SNX6: variants seen among roughly 807,000 people sequenced by gnomAD.
SNX6 encodes sorting nexin-6.
In SNX6, 34 loss-of-function variants were observed where a neutral mutation model predicts 63.0. The ratio of observed to expected loss-of-function variants is 0.54; its 90% CI spans 0.41 to 0.72. The LOEUF is 0.72. Ranked by LOEUF, SNX6 falls within the 30% of genes least tolerant of loss-of-function variation. The pLI is 0.00. For missense variants in SNX6, 398 were observed against 471.4 expected, an observed-to-expected ratio of 0.84 and a Z score of 1.44; for synonymous variants, 170 against 164.2, an observed-to-expected ratio of 1.04 and a Z score of -0.27.
intron 2 of SNX6, among the ~76,000 whole-genome samples, chr14:34,618,995 A>G (rs1039785886): frequency 1.3e-5 from 2 of 152,178 alleles, no homozygotes; most frequent in Non-Finnish European, 2.9e-5. Context: ...TACATTCCCA[A>G]TGGAAGTTCT....
chr14:34,593,445 G>T (rs994525731), intron 7 of SNX6, among the ~76,000 whole-genome samples: 14 of 151,712 alleles, frequency 9.2e-5, no homozygotes, highest in Admixed American at 6.6e-5. Context: ...TGTCACCTAG[G>T]CTGGAGTGCA....
intron 2 of SNX6, among the ~76,000 whole-genome samples, chr14:34,628,615 G>A (rs1404215019): frequency 9.2e-5 from 14 of 152,106 alleles, no homozygotes; most frequent in Admixed American, 9.2e-4. Flanking sequence ...GGCAACAAAG[G>A]GAGATACTGT....
In SNX6 at chr14:34,573,211, CAT is replaced by C. The variant is rs1245812186; in HGVS notation, c.921+2543_921+2544del. Among the ~76,000 whole-genome samples, 8 of 152,198 alleles carry C rather than the reference CAT, an allele frequency of 5.3e-5. No individual in the cohort carries two copies. In the East Asian group the frequency reaches 1.4e-3, roughly 26 times the overall value. ...TAGGCTGGTCTTGAACTCCTGGCCT[CAT>C]GTGATTTTCCCACACTGGCCTCCCT... On this transcript the variant is annotated intron_variant, in intron 11 of 13. Transcript: ENST00000362031.
At chr14:34,578,634 GA>G (rs1214360269) in intron 10 of SNX6, among the ~76,000 whole-genome samples, 113 of 97,038 alleles carry the variant, frequency 1.2e-3, no homozygotes, top group African/African-American at 3.5e-3. Flanking sequence ...GTCTCAAAAA[GA>G]AAAAAAAAAA....
chr14:34,617,223 A>G (rs1303022147), intron 2 of SNX6, among the ~76,000 whole-genome samples: 1 of 152,092 alleles, frequency 6.6e-6, no homozygotes, highest in Non-Finnish European at 1.5e-5. Flanking sequence ...TAGGTTAAAC[A>G]TGTGTGTCGC....
chr14:34,572,792 T>G lies in SNX6; in HGVS notation c.921+2964A>C, dbSNP rs536050614. On this transcript the variant is annotated intron_variant, in intron 11 of 13. Transcript: ENST00000362031. ...GCCTCCTGGGTTCATGCCATTCTCC[T>G]GCCTCAGCCTCCCGACTAGCTGGGA... is the stretch of plus-strand genomic sequence containing the variant. 2.2e-4 allele frequency among the ~76,000 whole-genome samples: 34 copies of G among 152,200 alleles called. No individual in the cohort carries two copies. In the East Asian group the frequency reaches 6.6e-3, roughly 29 times the overall value.
intron 7 of SNX6, among the ~76,000 whole-genome samples, chr14:34,597,259 T>C (rs1013857078): frequency 1.3e-5 from 2 of 152,112 alleles, no homozygotes; most frequent in East Asian, 1.9e-4. Context: ...GGCTTGGGAT[T>C]TGGGTAGGGA....
intron 10 of SNX6, among the ~76,000 whole-genome samples, chr14:34,581,059 T>C (rs980248816): frequency 2.0e-5 from 3 of 152,242 alleles, no homozygotes; most frequent in Non-Finnish European, 4.4e-5. Flanking sequence ...CCTTCTGAAG[T>C]ACACTCATCT....
chr14:34,621,184 T>C (rs1369241233), intron 2 of SNX6, among the ~76,000 whole-genome samples: 2 of 152,040 alleles, frequency 1.3e-5, no homozygotes, highest in East Asian at 3.9e-4. Flanking sequence ...TGGGCTCAAG[T>C]GATCCTCTTG....
chr14:34,597,275 C>T (rs560747516), intron 7 of SNX6, among the ~76,000 whole-genome samples: 5 of 152,246 alleles, frequency 3.3e-5, no homozygotes, highest in East Asian at 1.9e-4. Flanking sequence ...AGGGAGACAG[C>T]GGATTCTAGA....
Position 34,629,894 on chromosome 14 carries a change from A to C in SNX6, c.54+13T>G, listed in dbSNP as rs1177590924. On this transcript the variant is annotated intron_variant, in intron 2 of 13. Coordinates refer to ENST00000362031, the MANE Select transcript of SNX6 (RefSeq NM_152233.4). ...GTCCAGGGTCCCGCGAGCGAAAGGA[A>C]GGCAGAACTTACTCCGCGGTCCTCT... 5 of 1,556,152 alleles carry C rather than the reference A, an allele frequency of 3.2e-6. No homozygotes were observed. In the African/African-American group the frequency reaches 5.5e-5, roughly 17 times the overall value.
At chr14:34,565,870 T>C (rs1881157720) in intron 13 of SNX6, among the ~76,000 whole-genome samples, 2 of 151,984 alleles carry the variant, frequency 1.3e-5, no homozygotes, top group African/African-American at 2.4e-5. Flanking sequence ...TTTGTATTTT[T>C]AGTAGAGATG....
chr14:34,599,711 T>C (rs1159855285), intron 6 of SNX6, among the ~76,000 whole-genome samples: 1 of 150,174 alleles, frequency 6.7e-6, no homozygotes, highest in Non-Finnish European at 1.5e-5. Context: ...GAGGCAGAGG[T>C]TGCACTGAGC....
chr14:34,566,945 G>A (rs527693402), intron 13 of SNX6, among the ~76,000 whole-genome samples: 27 of 152,142 alleles, frequency 1.8e-4, no homozygotes, highest in Middle Eastern at 3.4e-3. Flanking sequence ...AAACCTGGCC[G>A]GGCATGGTGG....
At chr14:34,591,873 AAAG>A (rs1166123831) in intron 8 of SNX6, among the ~76,000 whole-genome samples, 2 of 152,132 alleles carry the variant, frequency 1.3e-5, no homozygotes, top group African/African-American at 4.8e-5. Flanking sequence ...CTCTAAAGTA[AAAG>A]TAGTGTTCTA....
chr14:34,625,715 A>G (rs1263151158), intron 2 of SNX6, among the ~76,000 whole-genome samples: 1 of 152,156 alleles, frequency 6.6e-6, no homozygotes, highest in African/African-American at 2.4e-5. Context: ...CGTGGGCAAC[A>G]GAGCGAGACC....
chr14:34,608,220 C>G (rs1331052859), intron 3 of SNX6, 80 bp from the exon 4 acceptor site: 30 of 702,126 alleles, frequency 4.3e-5, no homozygotes, highest in Non-Finnish European at 1.7e-5. Context: ...GCTCTGCCAC[C>G]AGGCTGGAGT....
At chr14:34,617,350 T>C (rs1024290109) in intron 2 of SNX6, among the ~76,000 whole-genome samples, 1 of 152,188 alleles carries the variant, frequency 6.6e-6, no homozygotes. Flanking sequence ...TATAATTACT[T>C]AGTAAAAGGC....
chr14:34,612,223 G>A (rs545273892), intron 2 of SNX6, among the ~76,000 whole-genome samples: 2 of 152,274 alleles, frequency 1.3e-5, no homozygotes, highest in South Asian at 4.1e-4. Flanking sequence ...TTACAGACGT[G>A]AGCCACTGAG....
Sources: allele counts gnomAD v4.1 joint callset (sites outside exome capture counted in the v4.1 genomes callset), GRCh38; gene constraint gnomAD v4.1.1; transcripts MANE v1.5; gene names NCBI Gene and HGNC (gene_info 2026-07-23, HGNC 2026-07-21).